Variants in ESCO1 observed in about 807,000 individuals in gnomAD.
The protein encoded by ESCO1 is N-acetyltransferase ESCO1.
ESCO1 carries 33 observed loss-of-function variants against 83.5 expected under a neutral mutation model. The ratio of observed to expected loss-of-function variants is 0.40; its 90% confidence interval spans 0.30 to 0.53. The LOEUF is 0.53. ESCO1 is among the 20% of genes least tolerant of loss of function. The pLI is 0.63. For synonymous variants in ESCO1, 332 were observed against 324.3 expected (o/e 1.02, Z -0.25); for missense variants, 855 against 968.0 (o/e 0.88, Z 1.55).
At position 21,574,087 on chromosome 18, in the gene ESCO1, T is replaced by C; in HGVS notation, c.757A>G (p.Thr253Ala). 6.2e-7 allele frequency: 1 copy of C among 1,613,048 alleles called. No individual in the cohort carries two copies. Among genetic ancestry groups the C allele is most frequent in the Non-Finnish European group, 8.5e-7 (1 of 1,180,006 alleles). The part of the protein sequence containing the change: ...TSEVKRSKMA[T>A]SVVPKKNEMK... The stretch of plus-strand genomic sequence containing the variant: ...TCATTCTTTTTCGGGACCACTGAAG[T>C]AGCCATTTTTGATCTTTTCACCTCA... The change falls in exon 4 of 12, where the codon ACT becomes GCT. Residue 253 changes from threonine (T) to alanine (A), a missense_variant. By Grantham distance (58) the Thr-to-Ala change is moderately conservative (BLOSUM62 0). Around this residue, in one of 2 missense-constraint regions of ESCO1, gnomAD observed 726 missense variants for 699.5 expected, o/e 1.04. Transcript: ENST00000269214.
In ESCO1 at chr18:21,545,387, A is replaced by C. The variant is rs890578451; in HGVS notation, c.1954-5378T>G. On this transcript the variant is annotated intron_variant, in intron 8 of 11. Coordinates refer to ENST00000269214, the MANE Select transcript of ESCO1 (RefSeq NM_052911.3). Reference sequence around the variant, plus strand: ...TCAGGAGTTCGAGATCAAACTGGCCAACATGGCAAACCCCGTCTCTACTAA... The same window carrying C: ...TCAGGAGTTCGAGATCAAACTGGCCCACATGGCAAACCCCGTCTCTACTAA... Among the ~76,000 whole-genome samples the C allele has an allele frequency of 2.6e-5, 4 of 152,038 alleles. No individual in the cohort carries two copies. In the East Asian group the frequency reaches 7.7e-4, roughly 29 times the overall value.
intron 1 of ESCO1, chr18:21,597,128 A>C (rs1206618147): frequency 6.6e-6 from 1 of 152,218 alleles, no homozygotes; most frequent in Non-Finnish European, 1.5e-5. Flanking sequence ...CCTTTAAGAA[A>C]TTACCACTTG....
rs146713905 is a variant in ESCO1 at position 21,573,514 on chromosome 18, G to T, written c.1330C>A (p.His444Asn). 1 of 1,613,540 alleles carries T rather than the reference G, an allele frequency of 6.2e-7. No individual in the cohort carries two copies. Among genetic ancestry groups the T allele is most frequent in the Admixed American group, 1.7e-5 (1 of 59,912 alleles). ...TGCTGGCAAGTTATATTTCTATCAT[G>T]TAGCTTTGTCCCTAAAAACGTACTT... is the stretch of plus-strand genomic sequence containing the variant. ...TQSTFLGTKL[H>N]DRNITCQQEK... Residue 444 changes from histidine to asparagine, a missense_variant, in exon 4 of 12, where the codon CAT becomes AAT. His to Asn is a moderately conservative substitution (Grantham distance 68). Transcript: ENST00000269214.
chr18:21,564,688 G>A (rs1275979853), intron 6 of ESCO1, among the ~76,000 whole-genome samples: 1 of 151,608 alleles, frequency 6.6e-6, no homozygotes, highest in African/African-American at 2.4e-5. Context: ...GAGCCACCGC[G>A]CCCGGCAAAA....
chr18:21,568,928 ATAAAAGATAT>A (rs1287440623), intron 4 of ESCO1, among the ~76,000 whole-genome samples: 1 of 152,090 alleles, frequency 6.6e-6, no homozygotes, highest in Non-Finnish European at 1.5e-5. Context: ...GACAGGTTAA[ATAAAAGATAT>A]TAAAATTAAT....
chr18:21,596,769 A>C (rs1314704683), intron 1 of ESCO1, among the ~76,000 whole-genome samples: 2 of 152,194 alleles, frequency 1.3e-5, no homozygotes, highest in African/African-American at 4.8e-5. Context: ...CTGGAGGCAG[A>C]GGTTGCAGTG....
intron 8 of ESCO1, among the ~76,000 whole-genome samples, chr18:21,560,581 G>GTTTT (rs1181141006): frequency 2.6e-5 from 4 of 151,952 alleles, no homozygotes; most frequent in East Asian, 3.8e-4. Context: ...AAACATACAA[G>GTTTT]TTAAATAGCA....
chr18:21,562,574 G>A (rs2038202867), intron 7 of ESCO1, among the ~76,000 whole-genome samples: 1 of 151,820 alleles, frequency 6.6e-6, no homozygotes, highest in African/African-American at 2.4e-5. Context: ...CTGGGAGGTT[G>A]AGGCTGCAAG....
chr18:21,579,794 G>GCGCACACACACA lies in ESCO1; in HGVS notation c.-693-4018_-693-4017insTGTGTGTGTGCG, dbSNP rs1192534759. Reference sequence around the variant, plus strand: ...CTGACACACACACACACGCGCGCGCGCACACACACACACACACACACACAC... The same window carrying GCGCACACACACA: ...CTGACACACACACACACGCGCGCGCGCGCACACACACACACACACACACACACACACACACAC... On this transcript the variant is annotated intron_variant, in intron 2 of 11. Transcript: ENST00000269214. Among the ~76,000 whole-genome samples the GCGCACACACACA allele has an allele frequency of 6.7e-4, 25 of 37,160 alleles. No homozygotes were observed. The East Asian group carries it at 0.016, about 24-fold the overall frequency. 24.4% of individuals were successfully genotyped at this position (37,160 alleles called of 152,430 possible). A position where few individuals can be genotyped will look rare whatever the true frequency, so the allele number is the denominator to read the frequency against.
intron 1 of ESCO1, among the ~76,000 whole-genome samples, chr18:21,587,408 G>T (rs1310775491): frequency 3.4e-4 from 51 of 151,964 alleles, no homozygotes; most frequent in Admixed American, 3.3e-3. Context: ...ATTTTTGGAG[G>T]TATTTTTATT....
rs944850747 is a variant in ESCO1, at chr18:21,535,410, G to C, written c.2187+632C>G. Among the ~76,000 whole-genome samples, 8 of 142,006 alleles carry C rather than the reference G, an allele frequency of 5.6e-5. No homozygotes were observed. In the East Asian group the frequency reaches 1.4e-3, roughly 26 times the overall value. 93.2% of individuals were successfully genotyped at this position (142,006 alleles called of 152,430 possible). A position where few individuals can be genotyped will look rare whatever the true frequency, so the allele number is the denominator to read the frequency against. The stretch of plus-strand genomic sequence containing the variant: ...TTTTTTTCTTTTTTTTTTTGAGACC[G>C]AGTCTTGTGTCGCCCAGGCTGGAGT... On this transcript the variant is annotated intron_variant, in intron 10 of 11. Transcript: ENST00000269214.
At chr18:21,549,603 C>T (rs1389364362) in intron 8 of ESCO1, among the ~76,000 whole-genome samples, 2 of 151,730 alleles carry the variant, frequency 1.3e-5, no homozygotes, top group Non-Finnish European at 1.5e-5. Context: ...TTAGTAGAGA[C>T]GGGGTTTTAC....
At position 21,576,003 on chromosome 18, in the gene ESCO1, A is replaced by C. The variant is rs137999356; in HGVS notation, c.-693-226T>G. Among the ~76,000 whole-genome samples the C allele has an allele frequency of 6.4e-4, 98 of 152,354 alleles. No individual in the cohort carries two copies. In the Middle Eastern group the frequency reaches 0.014, roughly 21 times the overall value. On this transcript the variant is annotated intron_variant, in intron 2 of 11. Coordinates refer to ENST00000269214, the MANE Select transcript of ESCO1 (RefSeq NM_052911.3). ...GGCATTCATTCATGTTGTGAAAAAAAGTTTTAAAATATGAAAAACAATTCA... is the reference window on the plus strand; with the variant it reads ...GGCATTCATTCATGTTGTGAAAAAACGTTTTAAAATATGAAAAACAATTCA...
chr18:21,567,544 T>C (rs553434968), intron 5 of ESCO1, among the ~76,000 whole-genome samples: 8 of 151,836 alleles, frequency 5.3e-5, no homozygotes, highest in Non-Finnish European at 1.2e-4. Flanking sequence ...AAGTGGACAA[T>C]TTGCAGCATT....
chr18:21,557,570 C>T (rs1300502504), intron 8 of ESCO1, among the ~76,000 whole-genome samples: 1 of 152,118 alleles, frequency 6.6e-6, no homozygotes, highest in Admixed American at 6.6e-5. Context: ...AGCCTTTGTT[C>T]CTAAACTTGA....
chr18:21,570,248 T>C (rs894294433), intron 4 of ESCO1, among the ~76,000 whole-genome samples: 1 of 151,842 alleles, frequency 6.6e-6, no homozygotes, highest in Non-Finnish European at 1.5e-5. Context: ...CAGGCACACA[T>C]TACCACTCCT....
chr18:21,581,351 A>T (rs1198646945), intron 2 of ESCO1, among the ~76,000 whole-genome samples: 1 of 152,004 alleles, frequency 6.6e-6, no homozygotes, highest in African/African-American at 2.4e-5. Flanking sequence ...GTAGATTTAC[A>T]CTAATATTAA....
chr18:21,565,311 A>C (rs1183061825), intron 6 of ESCO1, among the ~76,000 whole-genome samples: 2 of 152,200 alleles, frequency 1.3e-5, no homozygotes, highest in Admixed American at 6.5e-5. Context: ...GATCTATTTA[A>C]TTCTGACATT....
chr18:21,590,126 C>T (rs564461814), intron 1 of ESCO1, among the ~76,000 whole-genome samples: 33 of 152,064 alleles, frequency 2.2e-4, no homozygotes, highest in African/African-American at 7.0e-4. Context: ...TGCGTCCGGC[C>T]GCAAGTCCAT....
Sources: allele counts gnomAD v4.1 joint callset (sites outside exome capture counted in the v4.1 genomes callset), GRCh38; gene constraint gnomAD v4.1.1; regional missense constraint gnomAD v4.1.1; transcripts MANE v1.5; gene names NCBI Gene and HGNC (gene_info 2026-07-23, HGNC 2026-07-21).